The following RBFOX1 variants were observed in gnomAD, a reference collection of about 807,000 sequenced individuals.
The protein encoded by RBFOX1 is RNA binding protein fox-1 homolog 1.
In RBFOX1, 8 loss-of-function variants were observed where a neutral mutation model predicts 57.7. The observed-to-expected ratio is 0.14, with a 90% CI of 0.08 to 0.25. RBFOX1 has a LOEUF of 0.25. Ranked by LOEUF, RBFOX1 falls within the 10% of genes least tolerant of loss-of-function variation. The probability of loss-of-function intolerance (pLI) is 1.00; values close to 1 mark genes in which losing one functional copy is unlikely to be tolerated. For synonymous variants in RBFOX1, 326 were observed against 222.4 expected (o/e 1.47, Z -4.15); for missense variants, 611 against 548.5 (o/e 1.11, Z -1.14).
intron 2 of RBFOX1, among the ~76,000 whole-genome samples, chr16:6,361,163 G>A (rs1179332112): frequency 6.6e-6 from 1 of 152,086 alleles, no homozygotes; most frequent in East Asian, 1.9e-4. Flanking sequence ...ATCAGGTTAT[G>A]TGTCTCAATC....
At chr16:6,923,419 G>A (rs1255268907) in intron 3 of RBFOX1, among the ~76,000 whole-genome samples, 3 of 152,164 alleles carry the variant, frequency 2.0e-5, no homozygotes, top group Admixed American at 6.5e-5. Flanking sequence ...TGTAATTCCA[G>A]CTACTTGGAA....
chr16:6,168,218 C>G (rs986571136), intron 1 of RBFOX1, among the ~76,000 whole-genome samples: 5 of 152,202 alleles, frequency 3.3e-5, no homozygotes, highest in Non-Finnish European at 5.9e-5. Context: ...TGCTCATAAT[C>G]TATTAGTTTA....
At chr16:6,686,395 C>T (rs1469091646) in intron 3 of RBFOX1, among the ~76,000 whole-genome samples, 1 of 152,190 alleles carries the variant, frequency 6.6e-6, no homozygotes, top group Non-Finnish European at 1.5e-5. Flanking sequence ...AGTTTCATGT[C>T]GATGACAGTA....
intron 3 of RBFOX1, among the ~76,000 whole-genome samples, chr16:6,885,751 C>G (rs186491943): frequency 3.3e-5 from 5 of 152,076 alleles, no homozygotes; most frequent in Non-Finnish European, 7.3e-5. Context: ...AGGCTGGTCT[C>G]GAACTCATGC....
chr16:7,158,883 CTT>C (rs776820260), intron 4 of RBFOX1, among the ~76,000 whole-genome samples: 4 of 151,754 alleles, frequency 2.6e-5, no homozygotes, highest in Admixed American at 6.6e-5. Flanking sequence ...TGTGGTGTGT[CTT>C]TGCACACGTG....
At chr16:7,503,514 T>C (rs900161402) in intron 4 of RBFOX1, among the ~76,000 whole-genome samples, 2 of 152,176 alleles carry the variant, frequency 1.3e-5, no homozygotes, top group African/African-American at 4.8e-5. Context: ...CCCTTGTGGA[T>C]TTGGTTAAAT....
chr16:7,044,529 C>G (rs1367548983), intron 3 of RBFOX1, among the ~76,000 whole-genome samples: 83 of 152,124 alleles, frequency 5.5e-4, no homozygotes, highest in Non-Finnish European at 1.5e-5. Flanking sequence ...GGGTCTCATG[C>G]TGAAGTTTAT....
At chr16:7,364,826 A>G (rs572412520) in intron 4 of RBFOX1, among the ~76,000 whole-genome samples, 3 of 152,188 alleles carry the variant, frequency 2.0e-5, no homozygotes, top group African/African-American at 7.2e-5. Context: ...TGTGAGGGCA[A>G]CATACTTGTT....
intron 3 of RBFOX1, among the ~76,000 whole-genome samples, chr16:7,032,967 G>C (rs538736018): frequency 1.8e-4 from 28 of 152,254 alleles, no homozygotes; most frequent in African/African-American, 6.3e-4. Context: ...GACAGTGTGA[G>C]TCAGCAGGAA....
intron 3 of RBFOX1, among the ~76,000 whole-genome samples, chr16:5,697,837 A>G (rs1425106358): frequency 1.3e-5 from 2 of 152,286 alleles, no homozygotes; most frequent in East Asian, 3.9e-4. Flanking sequence ...GTGGGAGTCC[A>G]TCTATAGTTT....
chr16:6,875,076 G>A (rs1435499741), intron 3 of RBFOX1, among the ~76,000 whole-genome samples: 1 of 152,112 alleles, frequency 6.6e-6, no homozygotes, highest in African/African-American at 2.4e-5. Context: ...AAAAATGTAA[G>A]GACTCAAAAT....
At chr16:6,442,550 GAAAATAAAAAA>G (rs1362389667) in intron 2 of RBFOX1, among the ~76,000 whole-genome samples, 2 of 142,188 alleles carry the variant, frequency 1.4e-5, no homozygotes, top group African/African-American at 5.5e-5. Context: ...GCAAGCCTCA[GAAAATAAAAAA>G]AAAAGAAAAG....
At chr16:5,960,675 G>A (rs1378940325) in intron 4 of RBFOX1, among the ~76,000 whole-genome samples, 2 of 152,102 alleles carry the variant, frequency 1.3e-5, no homozygotes, top group Non-Finnish European at 2.9e-5. Context: ...AAGTGGCCTG[G>A]TTTCCCTGAA....
At chr16:7,194,300 A>G (rs1057295508) in intron 4 of RBFOX1, among the ~76,000 whole-genome samples, 6 of 152,344 alleles carry the variant, frequency 3.9e-5, no homozygotes, top group Admixed American at 6.5e-5. Flanking sequence ...TTTATTCAGA[A>G]TAAGTGATAT....
chr16:5,414,681 C>G (rs967716560), intron 1 of RBFOX1, among the ~76,000 whole-genome samples: 1 of 152,166 alleles, frequency 6.6e-6, no homozygotes, highest in African/African-American at 2.4e-5. Flanking sequence ...TGTCTCCAGG[C>G]TTCGGATGCT....
chr16:5,364,301 G>A (rs1046006960), intron 1 of RBFOX1, among the ~76,000 whole-genome samples: 6 of 152,172 alleles, frequency 3.9e-5, no homozygotes, highest in South Asian at 2.1e-4. Context: ...CACAGAAGGC[G>A]CATAGAGTCC....
At chr16:5,253,445 C>G (rs1258543491) in intron 1 of RBFOX1, among the ~76,000 whole-genome samples, 4 of 152,132 alleles carry the variant, frequency 2.6e-5, no homozygotes, top group Admixed American at 6.5e-5. Flanking sequence ...AGCCACCATG[C>G]CTGGCTGGAA....
At chr16:5,270,286 T>C (rs1167618137) in intron 1 of RBFOX1, 1 of 650,286 alleles carries the variant, frequency 1.5e-6, no homozygotes, top group Non-Finnish European at 2.8e-6. Flanking sequence ...GCACCTGCTA[T>C]GTTCAATGTA....
chr16:6,277,426 C>CAG (rs1309096733), intron 1 of RBFOX1, among the ~76,000 whole-genome samples: 4 of 135,612 alleles, frequency 2.9e-5, no homozygotes, highest in Non-Finnish European at 6.1e-5. Flanking sequence ...CGCTGCACCC[C>CAG]AGAGAGAGTG....
Sources: allele counts gnomAD v4.1 joint callset (sites outside exome capture counted in the v4.1 genomes callset), GRCh38; gene constraint gnomAD v4.1.1; transcripts MANE v1.5; gene names NCBI Gene and HGNC (gene_info 2026-07-23, HGNC 2026-07-21).